ZC3H7B: variants seen among roughly 807,000 people sequenced by gnomAD.
ZC3H7B encodes zinc finger CCCH-type containing 7B.
Under a neutral mutation model 116.0 loss-of-function variants are expected in ZC3H7B, and 35 were observed. The observed-to-expected ratio is 0.30, with a 90% CI of 0.23 to 0.40. The LOEUF is 0.40. ZC3H7B is among the 10% of genes least tolerant of loss of function. ZC3H7B has a pLI of 1.00. For synonymous variants in ZC3H7B, 502 were observed against 545.6 expected, an observed-to-expected ratio of 0.92 and a Z score of 1.11; for missense variants, 1,011 against 1,321.5, an observed-to-expected ratio of 0.77 and a Z score of 3.64.
chr22:41,308,293 T>C (rs2145895529), intron 1 of ZC3H7B, among the ~76,000 whole-genome samples: 1 of 152,236 alleles, frequency 6.6e-6, no homozygotes, highest in Non-Finnish European at 1.5e-5. Context: ...ATGCTCTTGT[T>C]CCCTGGAGCA....
chr22:41,348,364 A>G (rs781080216), intron 15 of ZC3H7B, among the ~76,000 whole-genome samples, 197 bp downstream of exon 15: 1 of 152,256 alleles, frequency 6.6e-6, no homozygotes, highest in Admixed American at 6.5e-5. Flanking sequence ...CTATATTCCA[A>G]GCGTCATCTT....
chr22:41,317,910 C>T (rs1371502795), intron 1 of ZC3H7B, among the ~76,000 whole-genome samples: 6 of 152,216 alleles, frequency 3.9e-5, no homozygotes, highest in Admixed American at 2.6e-4. Context: ...TGCGGTGTCA[C>T]TGAACCCAGG....
chr22:41,332,090 T>C, intron 6 of ZC3H7B, 81 bp from the exon 7 acceptor site: 3 of 1,527,264 alleles, frequency 2.0e-6, no homozygotes, highest in Non-Finnish European at 2.7e-6. Context: ...TGTCAGGGCC[T>C]CTTTGCTGCC....
Position 41,355,870 on chromosome 22 carries a change from C to T in ZC3H7B, c.2274+8C>T. 1.9e-6 allele frequency: 3 copies of T among 1,613,528 alleles called. No homozygotes were observed. The highest frequency in any genetic ancestry group is 2.5e-6 in the Non-Finnish European group (3 of 1,179,848). ...TTCCCACAGCAATACGATGTGAGCG[C>T]TGGGATGGGGGGCTGGGGGTCCCCC... On this transcript the variant is annotated splice_region_variant and intron_variant, in intron 19 of 22. Transcript: ENST00000352645.
chr22:41,310,673 A>G (rs1445162668), intron 1 of ZC3H7B, among the ~76,000 whole-genome samples: 3 of 152,152 alleles, frequency 2.0e-5, no homozygotes, highest in Admixed American at 6.6e-5. Context: ...TAATTTTATA[A>G]TTTCCAAATT....
At chr22:41,315,306 A>G (rs2036167839) in intron 1 of ZC3H7B, among the ~76,000 whole-genome samples, 1 of 150,896 alleles carries the variant, frequency 6.6e-6, no homozygotes, top group Non-Finnish European at 1.5e-5. Context: ...CTTCCTGAGT[A>G]GATGGGACTA....
intron 7 of ZC3H7B, 149 bp downstream of exon 7, chr22:41,332,376 T>C (rs2036394770): frequency 1.1e-6 from 1 of 947,750 alleles, no homozygotes; most frequent in Non-Finnish European, 1.6e-6. Flanking sequence ...GGGCAGGATG[T>C]GGGGACAGGC....
At chr22:41,319,100 C>G (rs2036220103) in intron 1 of ZC3H7B, among the ~76,000 whole-genome samples, 1 of 152,146 alleles carries the variant, frequency 6.6e-6, no homozygotes, top group Non-Finnish European at 1.5e-5. Flanking sequence ...GAAACCCCAT[C>G]TGTACTAAAA....
chr22:41,316,596 C>CTTT lies in ZC3H7B; in HGVS notation c.-6-4041_-6-4039dup, dbSNP rs371933916. Among the ~76,000 whole-genome samples the CTTT allele has an allele frequency of 9.4e-4, 93 of 98,892 alleles. 1 individual carries two copies. The highest frequency in any genetic ancestry group is 1.4e-3 in the African/African-American group (33 of 24,288). The allele number at this position is 98,892 out of a possible 152,430, so 64.9% of individuals were successfully genotyped here. A position where few individuals can be genotyped will look rare whatever the true frequency, so the allele number is the denominator to read the frequency against. The stretch of plus-strand genomic sequence containing the variant: ...ACAGCTGTAAGCCACCACACCTGGC[C>CTTT]TTTTTTTTTTTTTTTTTTTTGAGAC... On this transcript the variant is annotated intron_variant, in intron 1 of 22. Coordinates refer to ENST00000352645, the MANE Select transcript of ZC3H7B (RefSeq NM_017590.6).
At position 41,340,638 on chromosome 22, in the gene ZC3H7B, G is replaced by A. The variant is rs540224039; in HGVS notation, c.1139-450G>A. Among the ~76,000 whole-genome samples, 22 of 152,294 alleles carry A rather than the reference G, an allele frequency of 1.4e-4. No individual in the cohort carries two copies. In the South Asian group the frequency reaches 3.7e-3, roughly 26 times the overall value. On this transcript the variant is annotated intron_variant, in intron 10 of 22. Transcript: ENST00000352645. ...AACGGGACTGTCGGGGCACGGAGGG[G>A]ACTTCACTCAGCCTCAGGGCCAAAG...
intron 2 of ZC3H7B, 70 bp downstream of exon 2, chr22:41,320,783 C>T: frequency 6.3e-7 from 1 of 1,588,170 alleles, no homozygotes; most frequent in South Asian, 1.1e-5. Context: ...GCCATGCCCT[C>T]CCAGCGCTCC....
chr22:41,348,280 G>C (rs2036613328), intron 15 of ZC3H7B, 113 bp downstream of exon 15: 2 of 873,120 alleles, frequency 2.3e-6, no homozygotes, highest in South Asian at 3.0e-5. Flanking sequence ...AGGGTGCAAG[G>C]AAAGGGGCAG....
At chr22:41,353,653 C>T (rs763044577) in intron 17 of ZC3H7B, among the ~76,000 whole-genome samples, 26 of 152,326 alleles carry the variant, frequency 1.7e-4, no homozygotes, top group Admixed American at 2.6e-4. Context: ...GAAGGCTGGG[C>T]CCCTGGACCC....
intron 1 of ZC3H7B, among the ~76,000 whole-genome samples, chr22:41,310,847 C>T (rs2036107922): frequency 6.6e-6 from 1 of 152,084 alleles, no homozygotes; most frequent in Admixed American, 6.6e-5. Context: ...TCACTGCAGC[C>T]TCCGCCTCCT....
intron 21 of ZC3H7B, 27 bp from the exon 22 acceptor site, chr22:41,356,618 A>C: frequency 6.2e-7 from 1 of 1,612,684 alleles, no homozygotes; most frequent in Non-Finnish European, 8.5e-7. Flanking sequence ...GTGGGGGAGC[A>C]GGCACCCATG....
Position 41,338,021 on chromosome 22 carries a change from C to A in ZC3H7B, c.583-292C>A, listed in dbSNP as rs536917197. On this transcript the variant is annotated intron_variant, in intron 7 of 22. Coordinates refer to ENST00000352645, the MANE Select transcript of ZC3H7B (RefSeq NM_017590.6). This position sits in a 1 kb window ranked among gnomAD's most constrained non-coding sequence, Gnocchi z 4.5. ...TAGCTGGGGTTACAGGCTCCTGCCA[C>A]CATGCCCGACTAATTTTTGTATTTT... 6.6e-6 allele frequency among the ~76,000 whole-genome samples: 1 copy of A among 152,298 alleles called. No homozygotes were observed. Among genetic ancestry groups the A allele is most frequent in the Non-Finnish European group, 1.5e-5 (1 of 68,022 alleles).
At position 41,343,408 on chromosome 22, in the gene ZC3H7B, C is replaced by A. The variant is rs777772801; in HGVS notation, c.1298-7C>A. On this transcript the variant is annotated splice_region_variant and splice_polypyrimidine_tract_variant and intron_variant, in intron 12 of 22. Coordinates refer to ENST00000352645, the MANE Select transcript of ZC3H7B (RefSeq NM_017590.6). ...GGAATTATCATGTGTGTCCACCCTGCCCATAGGCCCCCGGGCTGGCGACTA... is the reference window on the plus strand; with the variant it reads ...GGAATTATCATGTGTGTCCACCCTGACCATAGGCCCCCGGGCTGGCGACTA... The A allele has an allele frequency of 3.7e-6, 6 of 1,604,660 alleles. No individual in the cohort carries two copies. The highest frequency in any genetic ancestry group is 1.7e-4 in the Middle Eastern group (1 of 6,052).
chr22:41,331,070 C>T (rs1246858129), intron 6 of ZC3H7B, among the ~76,000 whole-genome samples: 15 of 143,296 alleles, frequency 1.0e-4, no homozygotes, highest in African/African-American at 3.3e-4. Context: ...GGGGTTTCAC[C>T]GTGGTCTCGA....
chr22:41,344,732 A>G (rs1045407647), intron 13 of ZC3H7B, among the ~76,000 whole-genome samples: 2 of 152,326 alleles, frequency 1.3e-5, no homozygotes, highest in East Asian at 1.9e-4. Flanking sequence ...TCCCACCCCC[A>G]GGAAACAGCA....
Sources: gnomAD v4.1 joint callset for allele counts (sites outside exome capture counted in the v4.1 genomes callset) on GRCh38, gnomAD v4.1.1 for gene constraint, Gnocchi (gnomAD v3.1) non-coding constraint, MANE v1.5 for transcripts, NCBI Gene and HGNC (gene_info 2026-07-23, HGNC 2026-07-21) for gene names.